Variants in RPS6KC1 observed in about 807,000 individuals in gnomAD.
The protein encoded by RPS6KC1 is ribosomal protein S6 kinase C1.
In RPS6KC1, 54 loss-of-function variants were observed where a neutral mutation model predicts 103.8. The ratio of observed to expected loss-of-function variants is 0.52; its 90% CI spans 0.42 to 0.65. The LOEUF (loss-of-function observed/expected upper bound fraction) is 0.65, where lower values mean the gene tolerates loss of function less well. Among genes scored for constraint, RPS6KC1 ranks in the 30% least tolerant of loss-of-function variants. The probability of loss-of-function intolerance (pLI) is 0.00; values close to 1 mark genes in which losing one functional copy is unlikely to be tolerated. For synonymous variants in RPS6KC1, 439 were observed against 438.7 expected (o/e 1.00, Z -0.01); for missense variants, 1,151 against 1,253.8 (o/e 0.92, Z 1.24).
intron 12 of RPS6KC1, among the ~76,000 whole-genome samples, chr1:213,245,983 A>T (rs1017151966): frequency 2.0e-5 from 3 of 152,214 alleles, no homozygotes; most frequent in African/African-American, 7.2e-5. Flanking sequence ...GAGAACTTTT[A>T]AAAAAGTTGC....
chr1:213,614,386 A>C, the RPS6KC1 span, among the ~76,000 whole-genome samples: 1 of 152,238 alleles, frequency 6.6e-6, no homozygotes, highest in Non-Finnish European at 1.5e-5. Context: ...TAAGAGAATA[A>C]GTTAATAGCC....
At chr1:213,383,831 G>A in the RPS6KC1 span, among the ~76,000 whole-genome samples, 2 of 151,744 alleles carry the variant, frequency 1.3e-5, no homozygotes, top group South Asian at 4.2e-4. Context: ...CAGAAAGACA[G>A]CCCTCTTGGG....
At chr1:213,848,564 A>G in the RPS6KC1 span, among the ~76,000 whole-genome samples, 3 of 152,140 alleles carry the variant, frequency 2.0e-5, no homozygotes, top group Admixed American at 1.3e-4. Flanking sequence ...ACACACACAT[A>G]TATTTTAAAA....
the RPS6KC1 span, among the ~76,000 whole-genome samples, chr1:213,393,557 A>G: frequency 3.8e-4 from 58 of 152,196 alleles, no homozygotes; most frequent in Non-Finnish European, 5.7e-4. Flanking sequence ...TGACTTGACT[A>G]GCATTCCTTC....
At chr1:213,258,343 A>C (rs2094701317) in intron 12 of RPS6KC1, among the ~76,000 whole-genome samples, 1 of 152,198 alleles carries the variant, frequency 6.6e-6, no homozygotes, top group Non-Finnish European at 1.5e-5. Flanking sequence ...ACTTCAGGTG[A>C]TCCTTATAAT....
the RPS6KC1 span, among the ~76,000 whole-genome samples, chr1:213,808,562 G>A: frequency 4.6e-5 from 7 of 152,254 alleles, no homozygotes; most frequent in Admixed American, 1.3e-4. Context: ...GCAAGGCTCC[G>A]TGGGCGTAGG....
chr1:213,854,528 CTTTCTTTCTTTCT>C, the RPS6KC1 span, among the ~76,000 whole-genome samples: 3 of 97,168 alleles, frequency 3.1e-5, no homozygotes, highest in African/African-American at 1.4e-4. Context: ...TTCTTTCTTT[CTTTCTTTCTTTCT>C]TTCTTTCTTT....
chr1:213,194,644 G>C (rs2092871295), intron 8 of RPS6KC1, among the ~76,000 whole-genome samples: 1 of 152,304 alleles, frequency 6.6e-6, no homozygotes, highest in East Asian at 1.9e-4. Context: ...TCTGCCTGCT[G>C]TCAGATTAGT....
At chr1:213,704,244 G>A in the RPS6KC1 span, among the ~76,000 whole-genome samples, 28 of 151,152 alleles carry the variant, frequency 1.9e-4, no homozygotes, top group African/African-American at 3.4e-4. Context: ...AAAATTAGCC[G>A]GGCGAGGTGG....
At chr1:213,356,642 G>A in the RPS6KC1 span, among the ~76,000 whole-genome samples, 1 of 151,972 alleles carries the variant, frequency 6.6e-6, no homozygotes, top group Non-Finnish European at 1.5e-5. Flanking sequence ...GGTGACAAGA[G>A]CAAAGCTCCA....
chr1:213,476,438 G>C, the RPS6KC1 span, among the ~76,000 whole-genome samples: 2 of 152,202 alleles, frequency 1.3e-5, no homozygotes, highest in Non-Finnish European at 2.9e-5. Flanking sequence ...GAAACACTCT[G>C]AGTGAATGGT....
chr1:213,780,900 G>C, the RPS6KC1 span, among the ~76,000 whole-genome samples: 2 of 152,110 alleles, frequency 1.3e-5, no homozygotes, highest in African/African-American at 4.8e-5. Context: ...GCGTGCACCT[G>C]TTTTCCCAGC....
chr1:213,118,966 G>T (rs2084028758), intron 5 of RPS6KC1, among the ~76,000 whole-genome samples: 1 of 151,980 alleles, frequency 6.6e-6, no homozygotes, highest in African/African-American at 2.4e-5. Context: ...GCGAAGGTTT[G>T]GAAAATCTAG....
the RPS6KC1 span, among the ~76,000 whole-genome samples, chr1:213,659,051 G>A: frequency 2.0e-5 from 3 of 151,560 alleles, no homozygotes; most frequent in Non-Finnish European, 2.9e-5. Context: ...CGCAACCTCC[G>A]CCTCCTGGGT....
chr1:213,317,048 T>C, the RPS6KC1 span, among the ~76,000 whole-genome samples: 1 of 152,102 alleles, frequency 6.6e-6, no homozygotes, highest in Non-Finnish European at 1.5e-5. Flanking sequence ...AATGGAGCCA[T>C]TGGTGAACTT....
chr1:213,402,764 C>T, the RPS6KC1 span, among the ~76,000 whole-genome samples: 2 of 152,008 alleles, frequency 1.3e-5, no homozygotes, highest in Non-Finnish European at 2.9e-5. Context: ...CTACAGGTGT[C>T]TGAAGAGTTG....
At chr1:213,746,452 G>A in the RPS6KC1 span, among the ~76,000 whole-genome samples, 1 of 152,316 alleles carries the variant, frequency 6.6e-6, no homozygotes, top group African/African-American at 2.4e-5. Flanking sequence ...GTGTGTGTGG[G>A]TGGCCGAGGG....
At chr1:213,830,878 C>A in the RPS6KC1 span, among the ~76,000 whole-genome samples, 1 of 152,152 alleles carries the variant, frequency 6.6e-6, no homozygotes, top group East Asian at 1.9e-4. Context: ...ACCTTTCTGG[C>A]TCTTTCTTTA....
At chr1:213,137,924 A>T (rs2086574040) in intron 6 of RPS6KC1, among the ~76,000 whole-genome samples, 1 of 135,208 alleles carries the variant, frequency 7.4e-6, no homozygotes, top group Non-Finnish European at 1.5e-5. Context: ...GTGCTGTTGT[A>T]GTTTGGTTGG....
Sources: allele counts gnomAD v4.1 joint callset (sites outside exome capture counted in the v4.1 genomes callset), GRCh38; gene constraint gnomAD v4.1.1; transcripts MANE v1.5; gene names NCBI Gene and HGNC (gene_info 2026-07-23, HGNC 2026-07-21).